NRDC: variants seen among roughly 807,000 people sequenced by gnomAD.
NRDC encodes nardilysin.
In NRDC, 54 loss-of-function variants were observed where a neutral mutation model predicts 147.1. The observed-to-expected ratio is 0.37, with a 90% CI of 0.29 to 0.46. The LOEUF is 0.46. Among genes scored for constraint, NRDC ranks in the 20% least tolerant of loss-of-function variants. The probability of loss-of-function intolerance (pLI) is 1.00; values close to 1 mark genes in which losing one functional copy is unlikely to be tolerated. For synonymous variants in NRDC, 440 were observed against 482.1 expected, an observed-to-expected ratio of 0.91 and a Z score of 1.14; for missense variants, 1,082 against 1,370.6, an observed-to-expected ratio of 0.79 and a Z score of 3.33.
intron 2 of NRDC, among the ~76,000 whole-genome samples, chr1:51,839,307 A>C (rs1217002465): frequency 1.3e-5 from 2 of 151,824 alleles, no homozygotes; most frequent in Admixed American, 1.3e-4. Context: ...AACCACAGGC[A>C]TGTGCCACCA....
chr1:51,852,408 A>G (rs1681998275), intron 1 of NRDC, among the ~76,000 whole-genome samples: 1 of 149,602 alleles, frequency 6.7e-6, no homozygotes, highest in African/African-American at 2.5e-5. Flanking sequence ...ATTAAAACTA[A>G]TATTTAGGCC....
rs1683435481 is a variant in NRDC, at chr1:51,878,347, C to T, written c.269G>A (p.Gly90Glu). The change falls in exon 1 of 31, where the codon GGA becomes GAA. Residue 90 changes from glycine (G) to glutamate (E), a missense_variant. Coordinates refer to ENST00000352171, the MANE Select transcript of NRDC (RefSeq NM_001101662.2). Reference sequence around the variant, plus strand: ...AGCATTACTGAGAGACCCCCTCCGTCCCTCTTCCTCAGATTCATCCGCTCC... The same window carrying T: ...AGCATTACTGAGAGACCCCCTCCGTTCCTCTTCCTCAGATTCATCCGCTCC... ...RLGADESEEE[G>E]RRGSLSNAGD... The T allele has an allele frequency of 1.9e-6, 3 of 1,614,188 alleles. No individual in the cohort carries two copies. Among genetic ancestry groups the T allele is most frequent in the East Asian group, 2.2e-5 (1 of 44,876 alleles).
At chr1:51,819,990 A>T in intron 8 of NRDC, 117 bp from the exon 9 acceptor site, 1 of 755,466 alleles carries the variant, frequency 1.3e-6, no homozygotes, top group Non-Finnish European at 2.2e-6. Context: ...CTTCTTGGAA[A>T]GCATTCCAGG....
At position 51,809,314 on chromosome 1, in the gene NRDC, C is replaced by A. The variant is rs1453223786; in HGVS notation, c.1990+1G>T. ...TGTATAAAAATTGCTATTTTACTGA[C>A]CTATGTACTTGTTTTCAGCTGGAAG... is the stretch of plus-strand genomic sequence containing the variant. On this transcript the variant is annotated splice_donor_variant, in intron 17 of 30. Transcript: ENST00000352171. LOFTEE classifies it high-confidence loss of function. 6.2e-7 allele frequency: 1 copy of A among 1,607,860 alleles called. No homozygotes were observed. The highest frequency in any genetic ancestry group is 1.1e-5 in the South Asian group (1 of 90,956).
In NRDC at chr1:51,795,162, GACA is replaced by G. The variant is rs779408047; in HGVS notation, c.2605-311_2605-309del. 12 of 1,363,038 alleles carry G rather than the reference GACA, an allele frequency of 8.8e-6. No individual in the cohort carries two copies. The South Asian group carries it at 1.5e-4, about 17-fold the overall frequency. The allele number at this position is 1,363,038 out of a possible 1,614,324, so 84.4% of individuals were successfully genotyped here. ...TACCCAACTAGGCTGTGGCCTTTAT[GACA>G]ACATGGACTATGTTTCAGAATCCTG... On this transcript the variant is annotated intron_variant, in intron 22 of 30. Coordinates refer to ENST00000352171, the MANE Select transcript of NRDC (RefSeq NM_001101662.2).
chr1:51,877,260 G>A (rs766092877), intron 1 of NRDC, among the ~76,000 whole-genome samples: 4 of 152,086 alleles, frequency 2.6e-5, no homozygotes, highest in Non-Finnish European at 5.9e-5. Flanking sequence ...TACCAGCTCT[G>A]TTATTATTTA....
At chr1:51,831,689 G>A (rs111961906) in intron 4 of NRDC, among the ~76,000 whole-genome samples, 4 of 148,174 alleles carry the variant, frequency 2.7e-5, no homozygotes, top group African/African-American at 2.5e-5. Context: ...AGCAATTCTC[G>A]TGCCTCAGCC....
chr1:51,857,355 T>C (rs946616514), intron 1 of NRDC, among the ~76,000 whole-genome samples: 4 of 152,194 alleles, frequency 2.6e-5, no homozygotes, highest in South Asian at 4.1e-4. Context: ...CCTTTTTGTG[T>C]CCATAAATCT....
At chr1:51,874,973 A>G (rs1003543850) in intron 1 of NRDC, among the ~76,000 whole-genome samples, 2 of 152,212 alleles carry the variant, frequency 1.3e-5, no homozygotes, top group African/African-American at 2.4e-5. Context: ...AAGATATATA[A>G]TATGATGCTA....
Position 51,878,306 on chromosome 1 carries a change from C to T in NRDC, c.310G>A (p.Val104Ile), listed in dbSNP as rs149170952. Reference sequence around the variant, plus strand: ...TGCTTGGGGTCGCTGGGAGACTTGACGATCTCAGGGTCCCCAGCATTACTG... The same window carrying T: ...TGCTTGGGGTCGCTGGGAGACTTGATGATCTCAGGGTCCCCAGCATTACTG... Reference protein sequence around the residue: ...SLSNAGDPEIVKSPSDPKQYR... With the variant: ...SLSNAGDPEIIKSPSDPKQYR... Residue 104 changes from valine (V) to isoleucine (I), a missense_variant, in exon 1 of 31, where the codon GTC becomes ATC. By Grantham distance (29) the Val-to-Ile change is conservative. Coordinates refer to ENST00000352171, the MANE Select transcript of NRDC (RefSeq NM_001101662.2). 3 of 1,613,632 alleles carry T rather than the reference C, an allele frequency of 1.9e-6. No homozygotes were observed. Among genetic ancestry groups the T allele is most frequent in the Non-Finnish European group, 2.5e-6 (3 of 1,179,726 alleles).
intron 1 of NRDC, among the ~76,000 whole-genome samples, chr1:51,875,964 T>C (rs1168595011): frequency 1.3e-5 from 2 of 152,206 alleles, no homozygotes; most frequent in Non-Finnish European, 2.9e-5. Context: ...TGTTATTTAT[T>C]ACATTATATT....
Position 51,836,126 on chromosome 1 carries a change from C to A in NRDC, c.712+5G>T. The A allele has an allele frequency of 6.2e-7, 1 of 1,613,104 alleles. No homozygotes were observed. Among genetic ancestry groups the A allele is most frequent in the Non-Finnish European group, 8.5e-7 (1 of 1,179,150 alleles). ...CACCAGGAATGATATTTTACAAATT[C>A]TTACTGTGCTCCAAAAAGTGTGCCA... On this transcript the variant is annotated splice_donor_5th_base_variant and intron_variant, in intron 3 of 30. Coordinates refer to ENST00000352171, the MANE Select transcript of NRDC (RefSeq NM_001101662.2).
In NRDC at chr1:51,821,679, C is replaced by T. The variant is rs530086235; in HGVS notation, c.1160-124G>A. On this transcript the variant is annotated intron_variant, in intron 7 of 30. Transcript: ENST00000352171. ...AAGGGATATTTTAATTTGGCCATTA[C>T]TTGCCACTCCTGAACCAGTAATGGA... 2.1e-4 allele frequency: 142 copies of T among 670,786 alleles called. No individual in the cohort carries two copies. The African/African-American group carries it at 2.4e-3, about 11-fold the overall frequency. 41.6% of individuals were successfully genotyped at this position (670,786 alleles called of 1,614,324 possible).
At chr1:51,851,750 T>G (rs748322384) in intron 1 of NRDC, among the ~76,000 whole-genome samples, 1 of 152,182 alleles carries the variant, frequency 6.6e-6, no homozygotes, top group African/African-American at 2.4e-5. Context: ...AATAGTGTCA[T>G]GACTAGCCTT....
chr1:51,826,861 A>G (rs1438998325), intron 5 of NRDC, among the ~76,000 whole-genome samples: 1 of 152,204 alleles, frequency 6.6e-6, no homozygotes, highest in Admixed American at 6.5e-5. Flanking sequence ...TTGTTTAAAC[A>G]CTGGTGTCAA....
intron 8 of NRDC, among the ~76,000 whole-genome samples, chr1:51,820,953 A>C (rs74080641): frequency 0.027 from 4,064 of 152,210 alleles, 175 homozygotes; most frequent in African/African-American, 0.093. Flanking sequence ...GGTGGAGAAA[A>C]AATGTTTAAA....
chr1:51,846,924 C>G (rs1414251634), intron 1 of NRDC, among the ~76,000 whole-genome samples: 1 of 152,156 alleles, frequency 6.6e-6, no homozygotes, highest in African/African-American at 2.4e-5. Context: ...CTCCACCTCC[C>G]CACTAGATTA....
At chr1:51,862,842 T>C (rs1263578034) in intron 1 of NRDC, among the ~76,000 whole-genome samples, 1 of 149,648 alleles carries the variant, frequency 6.7e-6, no homozygotes, top group African/African-American at 2.5e-5. Flanking sequence ...AAACCCTGTC[T>C]CTACTAAATA....
chr1:51,834,319 G>A, intron 3 of NRDC, 149 bp from the exon 4 acceptor site: 1 of 862,292 alleles, frequency 1.2e-6, no homozygotes, highest in Non-Finnish European at 1.8e-6. Flanking sequence ...TTTTCTTTGA[G>A]ACAGAGTCTC....
Sources: allele counts gnomAD v4.1 joint callset (sites outside exome capture counted in the v4.1 genomes callset), GRCh38; gene constraint gnomAD v4.1.1; transcripts MANE v1.5; gene names NCBI Gene and HGNC (gene_info 2026-07-23, HGNC 2026-07-21).